AKAIN1: variants seen among roughly 807,000 people sequenced by gnomAD.
AKAIN1 encodes the protein A-kinase anchor protein inhibitor 1.
Under a neutral mutation model 3.7 loss-of-function variants are expected in AKAIN1, and 3 were observed. That is an observed-to-expected ratio of 0.82 (90% confidence interval 0.37 to 2.12). AKAIN1 has a LOEUF of 2.12. Among genes scored for constraint, AKAIN1 ranks in the 30% most tolerant of loss-of-function variants. The probability of loss-of-function intolerance (pLI) is 0.06; values close to 1 mark genes in which losing one functional copy is unlikely to be tolerated. For synonymous variants in AKAIN1, 31 were observed against 30.8 expected (o/e 1.01, Z -0.02); for missense variants, 82 against 82.7 (o/e 0.99, Z 0.03).
At chr18:5,149,165 G>T (rs539682537) in intron 1 of AKAIN1, among the ~76,000 whole-genome samples, 9 of 152,182 alleles carry the variant, frequency 5.9e-5, no homozygotes, top group Non-Finnish European at 1.3e-4. Context: ...TTACCACTTC[G>T]TTTTGGATCA....
At chr18:5,195,445 C>T (rs1031066370) in intron 1 of AKAIN1, among the ~76,000 whole-genome samples, 1 of 152,194 alleles carries the variant, frequency 6.6e-6, no homozygotes. Flanking sequence ...CCATATCCCT[C>T]CCCTCCTTGG....
chr18:5,191,222 T>A lies in AKAIN1; in HGVS notation c.16+5816A>T, dbSNP rs186134208. The stretch of plus-strand genomic sequence containing the variant: ...ATTAGAAAAGAAGAAATAAAACTTT[T>A]TTCAAAGTACCTGCCTACATTTAAA... On this transcript the variant is annotated intron_variant, in intron 1 of 1. Coordinates refer to ENST00000434239, the MANE Select transcript of AKAIN1 (RefSeq NM_001145194.2). 3.2e-3 allele frequency among the ~76,000 whole-genome samples: 484 copies of A among 152,260 alleles called. 1 individual carries two copies. Among genetic ancestry groups the A allele is most frequent in the Admixed American group, 8.6e-3 (132 of 15,284 alleles).
At chr18:5,197,510 A>AAAAAAAAAC, upstream of AKAIN1, 1 of 1,225,776 alleles carries the variant, frequency 8.2e-7, no homozygotes, top group Middle Eastern at 3.1e-4. The surrounding 1 kb of genome is among the most constrained non-coding windows in gnomAD (Gnocchi z 6.9). Flanking sequence ...TTGTCAAAAA[A>AAAAAAAAAC]AAAAAACTCT....
At chr18:5,181,442 T>C (rs558502530) in intron 1 of AKAIN1, among the ~76,000 whole-genome samples, 1 of 152,314 alleles carries the variant, frequency 6.6e-6, no homozygotes, top group Admixed American at 6.5e-5. Context: ...AGTTCTACTT[T>C]GGCATTTACT....
Position 5,147,621 on chromosome 18 carries a change from A to C in AKAIN1, c.17-1866T>G, listed in dbSNP as rs75992206. ...ATACACCTAAGAGGAAACATCACAA[A>C]AGATAATACTGAGTAATTCTAGAAG... On this transcript the variant is annotated intron_variant, in intron 1 of 1. Transcript: ENST00000434239. Among the ~76,000 whole-genome samples the C allele has an allele frequency of 4.9e-4, 74 of 152,356 alleles. No homozygotes were observed. The East Asian group carries it at 0.011, about 23-fold the overall frequency.
intron 1 of AKAIN1, among the ~76,000 whole-genome samples, chr18:5,176,937 A>G (rs935016367): frequency 6.6e-6 from 1 of 152,082 alleles, no homozygotes; most frequent in Non-Finnish European, 1.5e-5. Context: ...ATGTACTTCC[A>G]AGGGTATATA....
At chr18:5,157,193 C>T (rs750097196) in intron 1 of AKAIN1, among the ~76,000 whole-genome samples, 2 of 152,066 alleles carry the variant, frequency 1.3e-5, no homozygotes, top group African/African-American at 2.4e-5. Flanking sequence ...TAGATCTGTG[C>T]GCTCCACACC....
At chr18:5,156,117 CCA>C (rs1393029108) in intron 1 of AKAIN1, among the ~76,000 whole-genome samples, 2 of 152,062 alleles carry the variant, frequency 1.3e-5, no homozygotes, top group Non-Finnish European at 2.9e-5. Flanking sequence ...GACCGTATTA[CCA>C]GAACTCTTAA....
At chr18:5,168,471 C>A (rs191462597) in intron 1 of AKAIN1, among the ~76,000 whole-genome samples, 2 of 151,080 alleles carry the variant, frequency 1.3e-5, no homozygotes, top group Non-Finnish European at 2.9e-5. Context: ...GACCACGTAT[C>A]CAGTTAAGTT....
At chr18:5,169,971 T>G (rs868556042) in intron 1 of AKAIN1, among the ~76,000 whole-genome samples, 5 of 152,232 alleles carry the variant, frequency 3.3e-5, no homozygotes, top group South Asian at 2.1e-4. Flanking sequence ...ACTATAACCA[T>G]TTGAAATTCT....
intron 1 of AKAIN1, among the ~76,000 whole-genome samples, chr18:5,185,783 G>A (rs1392841969): frequency 6.6e-6 from 1 of 152,056 alleles, no homozygotes; most frequent in Non-Finnish European, 1.5e-5. Flanking sequence ...AAGCAGTTTG[G>A]TGATTTCTCA....
intron 1 of AKAIN1, among the ~76,000 whole-genome samples, chr18:5,186,565 G>A (rs1355510885): frequency 6.6e-6 from 1 of 151,942 alleles, no homozygotes; most frequent in Non-Finnish European, 1.5e-5. Context: ...AAACCAAAAT[G>A]AGGAATGGAA....
At chr18:5,149,806 T>C (rs763494896) in intron 1 of AKAIN1, among the ~76,000 whole-genome samples, 1 of 152,232 alleles carries the variant, frequency 6.6e-6, no homozygotes, top group Non-Finnish European at 1.5e-5. Flanking sequence ...ATTATCCTTA[T>C]AAAGCAGCAC....
intron 1 of AKAIN1, among the ~76,000 whole-genome samples, chr18:5,174,453 T>G (rs1253228030): frequency 6.6e-6 from 1 of 152,080 alleles, no homozygotes; most frequent in Non-Finnish European, 1.5e-5. Flanking sequence ...CTTTGCAGAG[T>G]AAACAGCCTC....
At chr18:5,165,263 T>C (rs763384685) in intron 1 of AKAIN1, among the ~76,000 whole-genome samples, 6 of 151,918 alleles carry the variant, frequency 3.9e-5, no homozygotes, top group Non-Finnish European at 7.4e-5. Context: ...TAGTAGCTAA[T>C]AAAAGCAGAT....
At chr18:5,188,592 C>G (rs148471907) in intron 1 of AKAIN1, among the ~76,000 whole-genome samples, 1 of 152,110 alleles carries the variant, frequency 6.6e-6, no homozygotes, top group Non-Finnish European at 1.5e-5. Flanking sequence ...CCTATCAGGC[C>G]TTGCTGCAAA....
chr18:5,154,741 A>G (rs2071097587), intron 1 of AKAIN1, among the ~76,000 whole-genome samples: 1 of 152,016 alleles, frequency 6.6e-6, no homozygotes, highest in Non-Finnish European at 1.5e-5. Flanking sequence ...AGCCCTCTCA[A>G]GAGACTCCAC....
chr18:5,153,684 G>T (rs539813681), intron 1 of AKAIN1, among the ~76,000 whole-genome samples: 16 of 152,300 alleles, frequency 1.1e-4, no homozygotes, highest in African/African-American at 3.6e-4. Flanking sequence ...GAGCACAGAG[G>T]ATTTTCAAGA....
At chr18:5,184,082 T>C (rs1320450273) in intron 1 of AKAIN1, among the ~76,000 whole-genome samples, 1 of 152,070 alleles carries the variant, frequency 6.6e-6, no homozygotes, top group Admixed American at 6.6e-5. Context: ...AACATTTGTT[T>C]ATAGTATCAG....
Sources: gnomAD v4.1 joint callset for allele counts (sites outside exome capture counted in the v4.1 genomes callset) on GRCh38, gnomAD v4.1.1 for gene constraint, Gnocchi (gnomAD v3.1) non-coding constraint, MANE v1.5 for transcripts, NCBI Gene and HGNC (gene_info 2026-07-23, HGNC 2026-07-21) for gene names.